SPON1: variants seen among roughly 807,000 people sequenced by gnomAD.
SPON1 encodes the protein spondin-1.
In SPON1, 52 loss-of-function variants were observed where a neutral mutation model predicts 111.7. The ratio of observed to expected loss-of-function variants is 0.47; its 90% CI spans 0.37 to 0.59. The LOEUF (loss-of-function observed/expected upper bound fraction) is 0.59, where lower values mean the gene tolerates loss of function less well. Ranked by LOEUF, SPON1 falls within the 20% of genes least tolerant of loss-of-function variation. SPON1 has a pLI of 0.00. For missense variants in SPON1, 957 were observed against 1,068.5 expected (o/e 0.90, Z 1.46); for synonymous variants, 410 against 395.8 (o/e 1.04, Z -0.43).
intron 1 of SPON1, among the ~76,000 whole-genome samples, chr11:13,978,009 A>G (rs554471716): frequency 6.6e-6 from 1 of 152,286 alleles, no homozygotes; most frequent in East Asian, 1.9e-4. Context: ...TTAATGGCCA[A>G]AACTGCAATT....
At chr11:14,159,771 A>G (rs1173666483) in intron 6 of SPON1, among the ~76,000 whole-genome samples, 1 of 152,092 alleles carries the variant, frequency 6.6e-6, no homozygotes, top group Non-Finnish European at 1.5e-5. Flanking sequence ...GTTAAGTGAA[A>G]TAAGTCAGGC....
intron 6 of SPON1, among the ~76,000 whole-genome samples, chr11:14,204,160 C>G (rs987783017): frequency 6.6e-6 from 1 of 152,224 alleles, no homozygotes; most frequent in African/African-American, 2.4e-5. Context: ...CTGTAGCTTT[C>G]AAATTGCTCC....
At chr11:14,074,146 G>A (rs1290931056) in intron 3 of SPON1, among the ~76,000 whole-genome samples, 6 of 152,214 alleles carry the variant, frequency 3.9e-5, no homozygotes. Context: ...TCAAAAGAAT[G>A]ATCAAAGTAG....
At chr11:14,109,016 G>A (rs1554925174) in intron 5 of SPON1, among the ~76,000 whole-genome samples, 1 of 152,138 alleles carries the variant, frequency 6.6e-6, no homozygotes, top group Admixed American at 6.6e-5. Context: ...GTCCTGGGCA[G>A]CTCCTTCTCT....
chr11:13,986,809 C>T (rs576876292), intron 2 of SPON1, among the ~76,000 whole-genome samples: 9 of 152,088 alleles, frequency 5.9e-5, no homozygotes, highest in South Asian at 4.2e-4. Flanking sequence ...TGTGAACATG[C>T]GGTGTTTGGT....
At chr11:13,978,040 C>T (rs1554909191) in intron 1 of SPON1, among the ~76,000 whole-genome samples, 2 of 152,122 alleles carry the variant, frequency 1.3e-5, no homozygotes, top group Non-Finnish European at 1.5e-5. Context: ...CAACCTAATA[C>T]ATCCTTTGTC....
At chr11:14,177,511 G>C (rs993845500) in intron 6 of SPON1, among the ~76,000 whole-genome samples, 2 of 152,144 alleles carry the variant, frequency 1.3e-5, no homozygotes, top group Non-Finnish European at 1.5e-5. Context: ...GGGGCCAGCT[G>C]GTCCATCAAG....
chr11:13,976,360 C>A (rs1394418453), intron 1 of SPON1, among the ~76,000 whole-genome samples: 2 of 152,146 alleles, frequency 1.3e-5, no homozygotes, highest in African/African-American at 2.4e-5. Context: ...ATTACTGGGA[C>A]TCAGAACACA....
intron 3 of SPON1, among the ~76,000 whole-genome samples, chr11:14,052,410 C>T (rs1848714479): frequency 6.6e-6 from 1 of 152,288 alleles, no homozygotes; most frequent in South Asian, 2.1e-4. Context: ...TGGGGCGAAG[C>T]TTACCCCACA....
intron 6 of SPON1, among the ~76,000 whole-genome samples, chr11:14,212,193 C>T (rs1018009928): frequency 4.0e-5 from 6 of 151,664 alleles, no homozygotes; most frequent in Non-Finnish European, 7.4e-5. Flanking sequence ...AGATGGAGTC[C>T]GGCCTTGTCT....
At chr11:14,093,334 G>A (rs1302362548) in intron 5 of SPON1, among the ~76,000 whole-genome samples, 1 of 152,184 alleles carries the variant, frequency 6.6e-6, no homozygotes, top group African/African-American at 2.4e-5. Context: ...CAAGGAATTG[G>A]GAGTTACCTA....
chr11:14,237,567 T>G (rs1329255957), intron 6 of SPON1, among the ~76,000 whole-genome samples: 6 of 152,232 alleles, frequency 3.9e-5, no homozygotes, highest in Non-Finnish European at 8.8e-5. Context: ...TCATCTGCAG[T>G]GGACAGCGTG....
intron 4 of SPON1, among the ~76,000 whole-genome samples, chr11:14,076,100 T>C (rs1554921428): frequency 1.3e-5 from 2 of 152,168 alleles, no homozygotes; most frequent in East Asian, 1.9e-4. Context: ...CCTTGACACA[T>C]AGTAAATGCT....
intron 5 of SPON1, among the ~76,000 whole-genome samples, chr11:14,085,487 G>A (rs1276800624): frequency 6.6e-6 from 1 of 152,052 alleles, no homozygotes; most frequent in African/African-American, 2.4e-5. Context: ...TGAGGCCTCT[G>A]TTCTGTTCCA....
At chr11:14,233,263 T>C (rs2133913131) in intron 6 of SPON1, among the ~76,000 whole-genome samples, 1 of 152,286 alleles carries the variant, frequency 6.6e-6, no homozygotes, top group East Asian at 1.9e-4. Context: ...TGAGCCGACC[T>C]GTAAAATATA....
intron 5 of SPON1, among the ~76,000 whole-genome samples, chr11:14,117,033 A>G (rs548829978): frequency 6.6e-6 from 1 of 152,302 alleles, no homozygotes. Context: ...ATAGGAATAA[A>G]ATTGACTTTT....
chr11:14,161,594 C>T (rs1409533915), intron 6 of SPON1, among the ~76,000 whole-genome samples: 4 of 151,652 alleles, frequency 2.6e-5, no homozygotes, highest in African/African-American at 7.3e-5. Flanking sequence ...GCCGGGATTA[C>T]AGGCATGAGC....
At chr11:14,017,161 C>G (rs1554914395) in intron 2 of SPON1, among the ~76,000 whole-genome samples, 1 of 152,118 alleles carries the variant, frequency 6.6e-6, no homozygotes, top group South Asian at 2.1e-4. Flanking sequence ...ATATTACAAA[C>G]CACTTTTCAA....
chr11:14,215,605 G>A (rs551120097), intron 6 of SPON1, among the ~76,000 whole-genome samples: 4 of 152,264 alleles, frequency 2.6e-5, no homozygotes, highest in South Asian at 2.1e-4. Flanking sequence ...ACTGGCCAAA[G>A]CAGTCACAAA....
Sources: allele counts gnomAD v4.1 joint callset (sites outside exome capture counted in the v4.1 genomes callset), GRCh38; gene constraint gnomAD v4.1.1; transcripts MANE v1.5; gene names NCBI Gene and HGNC (gene_info 2026-07-23, HGNC 2026-07-21).